The following PRLR variants were observed in gnomAD, a reference collection of about 807,000 sequenced individuals.
The protein encoded by PRLR is prolactin receptor.
A neutral mutation model predicts 40.2 loss-of-function variants in PRLR; 13 were observed. The ratio of observed to expected loss-of-function variants is 0.32; its 90% CI spans 0.21 to 0.51. PRLR has a LOEUF of 0.51. Ranked by LOEUF, PRLR falls within the 20% of genes least tolerant of loss-of-function variation. The probability of loss-of-function intolerance (pLI) is 0.97; values close to 1 mark genes in which losing one functional copy is unlikely to be tolerated. For missense variants in PRLR, 656 were observed against 747.3 expected (o/e 0.88, Z 1.42); for synonymous variants, 269 against 278.7 (o/e 0.97, Z 0.35).
chr5:35,086,075 C>T (rs1770831167), intron 4 of PRLR, 133 bp downstream of exon 4: 2 of 1,096,200 alleles, frequency 1.8e-6, no homozygotes, highest in Admixed American at 2.2e-5. Context: ...ACCTTAGACT[C>T]CCCTTTCCCC....
intron 2 of PRLR, among the ~76,000 whole-genome samples, chr5:35,113,317 C>T (rs1317843419): frequency 6.6e-6 from 1 of 150,532 alleles, no homozygotes; most frequent in African/African-American, 2.4e-5. Flanking sequence ...ATCTATGCAT[C>T]CATCCATCCA....
At position 35,062,626 on chromosome 5, in the gene PRLR, T is replaced by C. The variant is rs186391746; in HGVS notation, c.*2463A>G. On this transcript the variant is annotated 3_prime_UTR_variant, in exon 10 of 10. Coordinates refer to ENST00000618457, the MANE Select transcript of PRLR (RefSeq NM_000949.7). ...GTCAAAAGCAGATTACTTTTATGTT[T>C]AGGTTTTCAGACTATAAGAGTGACT... is the stretch of plus-strand genomic sequence containing the variant. 10 of 152,336 alleles carry C rather than the reference T, an allele frequency of 6.6e-5. No homozygotes were observed. The East Asian group carries it at 1.7e-3, about 26-fold the overall frequency. The allele number at this position is 152,336 out of a possible 1,614,324, so 9.4% of individuals were successfully genotyped here.
intron 1 of PRLR, among the ~76,000 whole-genome samples, chr5:35,174,468 A>G (rs1251817887): frequency 6.6e-6 from 1 of 152,162 alleles, no homozygotes; most frequent in African/African-American, 2.4e-5. Context: ...CTATTTGAAA[A>G]CACCACAATT....
chr5:35,171,917 A>G (rs1186285940), intron 1 of PRLR, among the ~76,000 whole-genome samples: 1 of 152,194 alleles, frequency 6.6e-6, no homozygotes, highest in Non-Finnish European at 1.5e-5. Flanking sequence ...TGATGCAAAA[A>G]AGTCTCACTT....
chr5:35,148,435 A>G lies in PRLR; in HGVS notation c.-105-30313T>C, dbSNP rs182890755. Reference sequence around the variant, plus strand: ...TTAATTTTATCTGGGGTAGATAGCTACTGTTTTCTGAAAGCTACTATGTGA... The same window carrying G: ...TTAATTTTATCTGGGGTAGATAGCTGCTGTTTTCTGAAAGCTACTATGTGA... On this transcript the variant is annotated intron_variant, in intron 1 of 9. Transcript: ENST00000618457. Among the ~76,000 whole-genome samples the G allele has an allele frequency of 1.4e-3, 206 of 152,286 alleles. 1 individual carries two copies. Among genetic ancestry groups the G allele is most frequent in the Admixed American group, 1.7e-3 (26 of 15,300 alleles).
intron 1 of PRLR, among the ~76,000 whole-genome samples, chr5:35,120,349 T>C (rs1412386126): frequency 1.3e-5 from 2 of 152,184 alleles, no homozygotes; most frequent in Non-Finnish European, 2.9e-5. Context: ...CCCCTGGGCA[T>C]GTAAAGAGTC....
At chr5:35,181,773 A>G (rs1437272078) in intron 1 of PRLR, among the ~76,000 whole-genome samples, 1 of 152,154 alleles carries the variant, frequency 6.6e-6, no homozygotes, top group Non-Finnish European at 1.5e-5. Flanking sequence ...CACAGGCTCT[A>G]TGTGCCTGTG....
downstream of PRLR, among the ~76,000 whole-genome samples, chr5:35,054,149 T>G (rs754084720): frequency 6.6e-6 from 1 of 152,248 alleles, no homozygotes; most frequent in Non-Finnish European, 1.5e-5. Context: ...TTAAAATATC[T>G]GACTGCATCA....
At chr5:35,111,486 C>A (rs1772656456) in intron 2 of PRLR, among the ~76,000 whole-genome samples, 1 of 152,084 alleles carries the variant, frequency 6.6e-6, no homozygotes, top group Admixed American at 6.5e-5. Context: ...CTTTGAATCA[C>A]AAAATAGGCT....
chr5:35,077,241 A>C (rs1770170104), intron 5 of PRLR, among the ~76,000 whole-genome samples: 1 of 152,220 alleles, frequency 6.6e-6, no homozygotes, highest in African/African-American at 2.4e-5. Context: ...ATTAAAAGAC[A>C]CAGACTGGCA....
chr5:35,216,058 A>T (rs1776280786), intron 1 of PRLR, among the ~76,000 whole-genome samples: 1 of 151,846 alleles, frequency 6.6e-6, no homozygotes, highest in Non-Finnish European at 1.5e-5. Context: ...AAAAGGGAAA[A>T]GAAAAAAAAA....
chr5:35,101,628 A>T (rs917810904), intron 2 of PRLR, among the ~76,000 whole-genome samples: 6 of 151,940 alleles, frequency 3.9e-5, no homozygotes, highest in Admixed American at 3.3e-4. Context: ...CAATTAAAAC[A>T]TATTTTTCTG....
intron 6 of PRLR, among the ~76,000 whole-genome samples, chr5:35,070,841 C>CAAAAAAAAAAA (rs34668616): frequency 4.3e-5 from 3 of 69,162 alleles, no homozygotes; most frequent in Non-Finnish European, 9.2e-5. Flanking sequence ...AACTCCGTCT[C>CAAAAAAAAAAA]AAAAAAAAAA....
At chr5:35,068,983 A>G in intron 7 of PRLR, 105 bp from the exon 8 acceptor site, 1 of 796,248 alleles carries the variant, frequency 1.3e-6, no homozygotes, top group Non-Finnish European at 2.0e-6. Flanking sequence ...TCCTCCATTC[A>G]TATATTTTTT....
At chr5:35,071,512 A>G (rs2112398938) in intron 6 of PRLR, among the ~76,000 whole-genome samples, 1 of 152,386 alleles carries the variant, frequency 6.6e-6, no homozygotes, top group Non-Finnish European at 1.5e-5. Context: ...AAAGAGGCAT[A>G]TACTAAAGTA....
chr5:35,074,107 C>G (rs1769916836), intron 5 of PRLR, among the ~76,000 whole-genome samples: 1 of 152,120 alleles, frequency 6.6e-6, no homozygotes, highest in African/African-American at 2.4e-5. Context: ...CATGGCAGCA[C>G]TATTTATAAT....
chr5:35,198,139 C>T (rs1193370489), intron 1 of PRLR, among the ~76,000 whole-genome samples: 1 of 152,246 alleles, frequency 6.6e-6, no homozygotes, highest in African/African-American at 2.4e-5. Context: ...CATTTGCTAA[C>T]ACTGCTGACA....
In PRLR at chr5:35,230,464, C is replaced by G. The variant is rs1000562032; in HGVS notation, c.-302G>C. ...TCAGCCTCCGCTCCCCGGTCCCCAG[C>G]CCGGTGGCTCTGTGAGAAGAAGCTC... On this transcript the variant is annotated 5_prime_UTR_variant, in exon 1 of 10. Transcript: ENST00000618457. The G allele has an allele frequency of 5.2e-5, 8 of 152,464 alleles. No individual in the cohort carries two copies. The highest frequency in any genetic ancestry group is 3.9e-4 in the Admixed American group (6 of 15,306). 9.4% of individuals were successfully genotyped at this position (152,464 alleles called of 1,614,324 possible).
At chr5:35,161,502 A>G (rs1223888803) in intron 1 of PRLR, among the ~76,000 whole-genome samples, 1 of 152,234 alleles carries the variant, frequency 6.6e-6, no homozygotes, top group Non-Finnish European at 1.5e-5. Flanking sequence ...CCTAAAAATC[A>G]CAACTCTATC....
Sources: allele counts gnomAD v4.1 joint callset (sites outside exome capture counted in the v4.1 genomes callset), GRCh38; gene constraint gnomAD v4.1.1; transcripts MANE v1.5; gene names NCBI Gene and HGNC (gene_info 2026-07-23, HGNC 2026-07-21).